The following EIF2AK1 variants were observed in gnomAD, a reference collection of about 807,000 sequenced individuals.
The protein encoded by EIF2AK1 is eukaryotic translation initiation factor 2 alpha kinase 1.
In EIF2AK1, 54 loss-of-function variants were observed where a neutral mutation model predicts 77.9. That is an observed-to-expected ratio of 0.69 (90% CI 0.56 to 0.87). EIF2AK1 has a LOEUF of 0.87. Among genes scored for constraint, EIF2AK1 ranks in the 40% least tolerant of loss-of-function variants. The probability of loss-of-function intolerance (pLI) is 0.00; values close to 1 mark genes in which losing one functional copy is unlikely to be tolerated. For synonymous variants in EIF2AK1, 314 were observed against 290.5 expected (o/e 1.08, Z -0.82); for missense variants, 810 against 768.6 (o/e 1.05, Z -0.64).
Position 6,059,050 on chromosome 7 carries a change from C to A in EIF2AK1, c.34G>T (p.Glu12Ter). ...QGGNSGVRKR[E>*]EEGDGAGAVA... ...GCCCCAGCCCCGTCGCCCTCCTCTTCGCGCTTGCGGACCCCGGAGTTGCCC... is the reference window on the plus strand; with the variant it reads ...GCCCCAGCCCCGTCGCCCTCCTCTTAGCGCTTGCGGACCCCGGAGTTGCCC... Residue 12 changes from glutamate (E) to a stop codon, truncating the protein, a stop_gained, in exon 1 of 15, where the codon GAA (glutamate) becomes TAA (stop). Coordinates refer to ENST00000199389, the MANE Select transcript of EIF2AK1 (RefSeq NM_014413.4). LOFTEE classifies it high-confidence loss of function. 1 of 1,501,126 alleles carries A rather than the reference C, an allele frequency of 6.7e-7. No homozygotes were observed. The highest frequency in any genetic ancestry group is 1.3e-5 in the South Asian group (1 of 78,828). The allele number at this position is 1,501,126 out of a possible 1,614,324, so 93.0% of individuals were successfully genotyped here. A position where few individuals can be genotyped will look rare whatever the true frequency, so the allele number is the denominator to read the frequency against.
intron 1 of EIF2AK1, among the ~76,000 whole-genome samples, chr7:6,056,628 A>ATATAGATATATATATATATATATATG (rs1788780119): frequency 1.3e-5 from 1 of 75,938 alleles, no homozygotes; most frequent in Non-Finnish European, 2.6e-5. Flanking sequence ...ATATATATAT[A>ATATAGATATATATATATATATATATG]TATATATAAA....
At chr7:6,056,183 C>T (rs1788753572) in intron 1 of EIF2AK1, among the ~76,000 whole-genome samples, 1 of 148,438 alleles carries the variant, frequency 6.7e-6, no homozygotes, top group Non-Finnish European at 1.5e-5. Context: ...ATCCCAGCTA[C>T]TCAGGAGGCT....
chr7:6,055,946 G>A (rs1293080716), intron 1 of EIF2AK1, among the ~76,000 whole-genome samples: 1 of 126,632 alleles, frequency 7.9e-6, no homozygotes, highest in Non-Finnish European at 1.6e-5. Flanking sequence ...TCGTGCCATT[G>A]CACTCCAGCC....
Position 6,037,532 on chromosome 7 carries a change from TAA to T in EIF2AK1, c.1232-10_1232-9del. On this transcript the variant is annotated splice_polypyrimidine_tract_variant and intron_variant, in intron 10 of 14. Transcript: ENST00000199389. ...TGGCCATAACATAAGGACCTTGAAGTAAAAAAAAATAGTTTTATTTCTCTAAT... is the reference window on the plus strand; with the variant it reads ...TGGCCATAACATAAGGACCTTGAAGTAAAAAAATAGTTTTATTTCTCTAAT... 2.6e-6 allele frequency: 4 copies of T among 1,527,132 alleles called. No individual in the cohort carries two copies. The highest frequency in any genetic ancestry group is 2.7e-6 in the Non-Finnish European group (3 of 1,116,496). The allele number at this position is 1,527,132 out of a possible 1,614,324, so 94.6% of individuals were successfully genotyped here. A position where few individuals can be genotyped will look rare whatever the true frequency, so the allele number is the denominator to read the frequency against.
intron 9 of EIF2AK1, among the ~76,000 whole-genome samples, chr7:6,039,929 C>T (rs933785349): frequency 1.5e-4 from 23 of 152,016 alleles, no homozygotes; most frequent in Admixed American, 3.3e-4. Context: ...AAGAGCAAAA[C>T]TTTGTCTCAA....
chr7:6,038,512 GTGTGAC>G (rs1352117329), intron 10 of EIF2AK1, 42 bp downstream of exon 10: 9 of 1,438,694 alleles, frequency 6.3e-6, no homozygotes, highest in African/African-American at 1.4e-5. Context: ...GATGGGGAAG[GTGTGAC>G]TGTGTCTATT....
chr7:6,042,662 C>A (rs897514613), intron 8 of EIF2AK1, among the ~76,000 whole-genome samples: 1 of 151,784 alleles, frequency 6.6e-6, no homozygotes, highest in Non-Finnish European at 1.5e-5. Flanking sequence ...GCCAGGAGAT[C>A]GAGACCACCC....
At position 6,041,537 on chromosome 7, in the gene EIF2AK1, C is replaced by T. The variant is rs899184931; in HGVS notation, c.792-318G>A. 7.0e-5 allele frequency among the ~76,000 whole-genome samples: 10 copies of T among 141,892 alleles called. No individual in the cohort carries two copies. The South Asian group carries it at 9.0e-4, about 13-fold the overall frequency. The allele number at this position is 141,892 out of a possible 152,430, so 93.1% of individuals were successfully genotyped here. ...CTGGGCGACAAAGTGAGTGAGACTC[C>T]GTCTCCAAGAAAAAAAAAAGTCGGC... On this transcript the variant is annotated intron_variant, in intron 8 of 14. Transcript: ENST00000199389.
At position 6,036,610 on chromosome 7, in the gene EIF2AK1, CT is replaced by C. The variant is rs1240945938; in HGVS notation, c.1332+813del. 4.0e-5 allele frequency among the ~76,000 whole-genome samples: 6 copies of C among 150,352 alleles called. No homozygotes were observed. The highest frequency in any genetic ancestry group is 1.5e-4 in the African/African-American group (6 of 40,892). ...GCCCTTTCCATGATTTAACTTTGGG[CT>C]GAAAAGTAAGCAAATTAATTTAAAT... is the stretch of plus-strand genomic sequence containing the variant. On this transcript the variant is annotated intron_variant, in intron 11 of 14. Coordinates refer to ENST00000199389, the MANE Select transcript of EIF2AK1 (RefSeq NM_014413.4). The surrounding 1 kb of genome is among the most constrained non-coding windows in gnomAD (Gnocchi z 4.6).
chr7:6,022,951 T>G lies in EIF2AK1; in HGVS notation c.*1722A>C, dbSNP rs1787540234. 2 of 230,352 alleles carry G rather than the reference T, an allele frequency of 8.7e-6. No homozygotes were observed. Among genetic ancestry groups the G allele is most frequent in the Non-Finnish European group, 8.5e-6 (1 of 117,752 alleles). The allele number at this position is 230,352 out of a possible 1,614,324, so 14.3% of individuals were successfully genotyped here. A position where few individuals can be genotyped will look rare whatever the true frequency, so the allele number is the denominator to read the frequency against. On this transcript the variant is annotated 3_prime_UTR_variant, in exon 15 of 15. Transcript: ENST00000199389. ...TTGCCCTCAGTCTCACAGAAGGCGA[T>G]TATGAGGCCAAGAGCCTGGGAGATG...
At chr7:6,034,522 C>T (rs564892364) in intron 11 of EIF2AK1, among the ~76,000 whole-genome samples, 1 of 152,168 alleles carries the variant, frequency 6.6e-6, no homozygotes, top group Non-Finnish European at 1.5e-5. Flanking sequence ...CTATGTGAGG[C>T]TTCTGCACCT....
At position 6,026,907 on chromosome 7, in the gene EIF2AK1, T is replaced by G; in HGVS notation, c.1585A>C (p.Thr529Pro). ...AGAACTTCTGCTCGCTCCATTTCTG[T>G]TCCAAACGGCTGAAAGAGCTCTAGC... ...VLLELFQPFG[T>P]EMERAEVLTG... The change falls in exon 14 of 15, where the codon ACA (threonine) becomes CCA (proline). Residue 529 changes from threonine (T) to proline (P), a missense_variant. Physicochemically the swap from Thr to Pro is conservative, Grantham distance 38. Transcript: ENST00000199389. 1 of 1,614,106 alleles carries G rather than the reference T, an allele frequency of 6.2e-7. No homozygotes were observed. The highest frequency in any genetic ancestry group is 8.5e-7 in the Non-Finnish European group (1 of 1,180,012).
rs527298581 is a variant in EIF2AK1 at position 6,037,371 on chromosome 7, G to A, written c.1332+53C>T. ...TAGTTTAATCAACCAACATCAAGTC[G>A]TCCCTGATACAAAGCTCCCACTGCT... On this transcript the variant is annotated intron_variant, in intron 11 of 14. Coordinates refer to ENST00000199389, the MANE Select transcript of EIF2AK1 (RefSeq NM_014413.4). 7.7e-5 allele frequency: 90 copies of A among 1,172,832 alleles called. No individual in the cohort carries two copies. The African/African-American group carries it at 1.0e-3, about 13-fold the overall frequency. 72.7% of individuals were successfully genotyped at this position (1,172,832 alleles called of 1,614,324 possible).
At chr7:6,034,464 G>T (rs962360281) in intron 11 of EIF2AK1, among the ~76,000 whole-genome samples, 1 of 151,878 alleles carries the variant, frequency 6.6e-6, no homozygotes, top group South Asian at 2.1e-4. Flanking sequence ...TCACAGACTC[G>T]CCCCATTCTC....
At chr7:6,029,821 A>G (rs1335066542) in intron 11 of EIF2AK1, among the ~76,000 whole-genome samples, 2 of 151,892 alleles carry the variant, frequency 1.3e-5, no homozygotes, top group African/African-American at 4.8e-5. Flanking sequence ...CATCTCTACT[A>G]AAAATACAAA....
chr7:6,031,949 G>A (rs558493905), intron 11 of EIF2AK1, among the ~76,000 whole-genome samples: 1 of 152,200 alleles, frequency 6.6e-6, no homozygotes, highest in African/African-American at 2.4e-5. Context: ...TGAGGTGGGT[G>A]GATCACCTGA....
At chr7:6,046,670 G>A (rs1404263920) in intron 5 of EIF2AK1, 1 of 196,534 alleles carries the variant, frequency 5.1e-6, no homozygotes, top group South Asian at 1.1e-4. Flanking sequence ...TTGGAAGGCC[G>A]AGGTGGGTGG....
rs1181376161 is a variant in EIF2AK1, at chr7:6,056,598, G to GAAAAAAA, written c.119-1901_119-1895dup. On this transcript the variant is annotated intron_variant, in intron 1 of 14. Transcript: ENST00000199389. Reference sequence around the variant, plus strand: ...AACAGAGGGAGACTCCATCTCAAGGGAAAAAAAAAAAAAAAATATATATAT... The same window carrying GAAAAAAA: ...AACAGAGGGAGACTCCATCTCAAGGGAAAAAAAAAAAAAAAAAAAAAAATATATATAT... Among the ~76,000 whole-genome samples, 111 of 48,798 alleles carry GAAAAAAA rather than the reference G, an allele frequency of 2.3e-3. 1 individual carries two copies. The highest frequency in any genetic ancestry group is 0.025 in the Middle Eastern group (1 of 40). The allele number at this position is 48,798 out of a possible 152,430, so 32.0% of individuals were successfully genotyped here.
chr7:6,032,321 C>T lies in EIF2AK1; in HGVS notation c.1333-3289G>A, dbSNP rs528976130. On this transcript the variant is annotated intron_variant, in intron 11 of 14. Transcript: ENST00000199389. This position sits in a 1 kb window ranked among gnomAD's most constrained non-coding sequence, Gnocchi z 4.3. ...ACCCTACTGTCTTATCTTGCAGCCACGGTGTGAAACCACTACTTACACGTG... is the reference window on the plus strand; with the variant it reads ...ACCCTACTGTCTTATCTTGCAGCCATGGTGTGAAACCACTACTTACACGTG... Among the ~76,000 whole-genome samples, 3 of 152,356 alleles carry T rather than the reference C, an allele frequency of 2.0e-5. No individual in the cohort carries two copies. Among genetic ancestry groups the T allele is most frequent in the East Asian group, 1.9e-4 (1 of 5,190 alleles).
Sources: gnomAD v4.1 joint callset for allele counts (sites outside exome capture counted in the v4.1 genomes callset) on GRCh38, gnomAD v4.1.1 for gene constraint, Gnocchi (gnomAD v3.1) non-coding constraint, MANE v1.5 for transcripts, NCBI Gene and HGNC (gene_info 2026-07-23, HGNC 2026-07-21) for gene names.